The following KCNH7 variants were observed in gnomAD, a reference collection of about 807,000 sequenced individuals.
KCNH7 encodes potassium voltage-gated channel subfamily H member 7, also known as voltage-gated inwardly rectifying potassium channel KCNH7.
A neutral mutation model predicts 120.8 loss-of-function variants in KCNH7; 49 were observed. That is an observed-to-expected ratio of 0.41 (90% CI 0.32 to 0.51). The LOEUF is 0.51. Ranked by LOEUF, KCNH7 falls within the 20% of genes least tolerant of loss-of-function variation. The pLI, the probability that KCNH7 is intolerant of heterozygous loss-of-function variation, is 0.38. For missense variants in KCNH7, 1,097 were observed against 1,446.6 expected, an observed-to-expected ratio of 0.76 and a Z score of 3.92; for synonymous variants, 547 against 516.1, an observed-to-expected ratio of 1.06 and a Z score of -0.81.
Position 162,757,435 on chromosome 2 carries a change from G to C in KCNH7, c.307+79102C>G, listed in dbSNP as rs1688824344. On this transcript the variant is annotated intron_variant, in intron 2 of 15. Coordinates refer to ENST00000332142, the MANE Select transcript of KCNH7 (RefSeq NM_033272.4). ...AAATTGCAGTCTTAATCAGATTCCT[G>C]ATGAAATAATATAGCTTTTTTTGCT... Among the ~76,000 whole-genome samples the C allele has an allele frequency of 1.3e-5, 2 of 152,042 alleles. 1 individual carries two copies. Among genetic ancestry groups the C allele is most frequent in the South Asian group, 4.1e-4 (2 of 4,824 alleles).
chr2:162,522,629 A>G (rs187159986), intron 3 of KCNH7, among the ~76,000 whole-genome samples: 1 of 152,010 alleles, frequency 6.6e-6, no homozygotes, highest in Non-Finnish European at 1.5e-5. Flanking sequence ...ATTATATTTG[A>G]TTTCTAACTT....
intron 2 of KCNH7, among the ~76,000 whole-genome samples, chr2:162,560,953 T>G (rs1331789124): frequency 1.3e-5 from 2 of 152,184 alleles, no homozygotes; most frequent in African/African-American, 2.4e-5. Context: ...CCCAGTATGT[T>G]AGTGTCCACA....
intron 14 of KCNH7, among the ~76,000 whole-genome samples, chr2:162,376,443 G>A (rs1313233607): frequency 6.6e-6 from 1 of 150,582 alleles, no homozygotes; most frequent in Non-Finnish European, 1.5e-5. Flanking sequence ...TCGGCTCGCT[G>A]CAACCTCTTT....
At chr2:162,467,680 C>T (rs1255070371) in intron 6 of KCNH7, among the ~76,000 whole-genome samples, 10 of 152,172 alleles carry the variant, frequency 6.6e-5, no homozygotes, top group Admixed American at 5.9e-4. Flanking sequence ...CAGAAACAGA[C>T]TAAGACAATG....
At chr2:162,744,221 TA>T (rs1688233114) in intron 2 of KCNH7, among the ~76,000 whole-genome samples, 1 of 152,196 alleles carries the variant, frequency 6.6e-6, no homozygotes, top group African/African-American at 2.4e-5. Flanking sequence ...TAAAAGACCA[TA>T]AGGGCCCACC....
chr2:162,626,630 C>T (rs562913478), intron 2 of KCNH7, among the ~76,000 whole-genome samples: 14 of 152,166 alleles, frequency 9.2e-5, no homozygotes, highest in African/African-American at 3.4e-4. Flanking sequence ...GCCAATTTAT[C>T]CGAATTGTAG....
intron 2 of KCNH7, among the ~76,000 whole-genome samples, chr2:162,666,724 C>T (rs141526716): frequency 1.1e-4 from 17 of 152,224 alleles, no homozygotes; most frequent in South Asian, 1.0e-3. Context: ...TTTTTATTGT[C>T]ATTTGCTAAC....
intron 2 of KCNH7, among the ~76,000 whole-genome samples, chr2:162,618,362 G>A (rs1359782572): frequency 1.3e-5 from 2 of 151,910 alleles, no homozygotes; most frequent in Non-Finnish European, 2.9e-5. Context: ...CCTTGATACT[G>A]AATTTTACAA....
chr2:162,462,968 G>A (rs1689193570), intron 6 of KCNH7, among the ~76,000 whole-genome samples: 1 of 152,030 alleles, frequency 6.6e-6, no homozygotes, highest in Non-Finnish European at 1.5e-5. Flanking sequence ...CAGGGACGGA[G>A]TAAATTCAGT....
chr2:162,699,515 G>A (rs1686413110), intron 2 of KCNH7, among the ~76,000 whole-genome samples: 2 of 152,096 alleles, frequency 1.3e-5, no homozygotes, highest in African/African-American at 2.4e-5. Context: ...TTAGTAATGT[G>A]TTCTTTTTTG....
chr2:162,408,870 G>A (rs1052316613), intron 9 of KCNH7, among the ~76,000 whole-genome samples: 16 of 151,668 alleles, frequency 1.1e-4, no homozygotes, highest in African/African-American at 3.4e-4. Flanking sequence ...AACAATACTC[G>A]ATGATAATTT....
intron 2 of KCNH7, among the ~76,000 whole-genome samples, chr2:162,655,761 C>G (rs1364339019): frequency 6.6e-6 from 1 of 152,222 alleles, no homozygotes; most frequent in East Asian, 1.9e-4. Context: ...CCACTGCACT[C>G]CAGCCTGGTG....
chr2:162,382,202 T>A (rs1356391690), intron 13 of KCNH7, among the ~76,000 whole-genome samples: 1 of 152,058 alleles, frequency 6.6e-6, no homozygotes, highest in Non-Finnish European at 1.5e-5. Context: ...AGGATTATAT[T>A]TTTTCTTCAG....
At chr2:162,434,917 T>C (rs746529215) in intron 8 of KCNH7, among the ~76,000 whole-genome samples, 1 of 152,054 alleles carries the variant, frequency 6.6e-6, no homozygotes, top group Non-Finnish European at 1.5e-5. Flanking sequence ...AAATTACAGA[T>C]ACTCTTTGTA....
chr2:162,758,344 T>C (rs1036785747), intron 2 of KCNH7, among the ~76,000 whole-genome samples: 3 of 152,178 alleles, frequency 2.0e-5, no homozygotes, highest in Non-Finnish European at 2.9e-5. Flanking sequence ...TTAGTCAAAC[T>C]GAGACACCAT....
Position 162,535,868 on chromosome 2 carries a change from A to G in KCNH7, c.463+1057T>C, listed in dbSNP as rs544134841. 4.6e-5 allele frequency among the ~76,000 whole-genome samples: 7 copies of G among 151,986 alleles called. No individual in the cohort carries two copies. In the South Asian group the frequency reaches 1.4e-3, roughly 31 times the overall value. ...AATCCAGGAATAGATTCAAGCACAT[A>G]TGGAAGTTTAGTGTGTAATAAAGGT... is the stretch of plus-strand genomic sequence containing the variant. On this transcript the variant is annotated intron_variant, in intron 3 of 15. Coordinates refer to ENST00000332142, the MANE Select transcript of KCNH7 (RefSeq NM_033272.4).
intron 2 of KCNH7, among the ~76,000 whole-genome samples, chr2:162,555,060 A>G (rs1692810646): frequency 6.6e-6 from 1 of 152,198 alleles, no homozygotes; most frequent in Admixed American, 6.5e-5. Context: ...AATGTCCAAA[A>G]CATCTAGCAA....
chr2:162,787,907 A>C (rs1559134477), intron 2 of KCNH7, among the ~76,000 whole-genome samples: 1 of 152,216 alleles, frequency 6.6e-6, no homozygotes, highest in Non-Finnish European at 1.5e-5. Flanking sequence ...CAGCCACCTA[A>C]GGACTCCAGC....
intron 9 of KCNH7, among the ~76,000 whole-genome samples, chr2:162,417,997 C>T (rs1573933777): frequency 1.3e-5 from 2 of 152,264 alleles, no homozygotes; most frequent in East Asian, 3.9e-4. Flanking sequence ...GGGCTGGCTA[C>T]AGTAGGTGAT....
Sources: allele counts gnomAD v4.1 joint callset (sites outside exome capture counted in the v4.1 genomes callset), GRCh38; gene constraint gnomAD v4.1.1; transcripts MANE v1.5; gene names NCBI Gene and HGNC (gene_info 2026-07-23, HGNC 2026-07-21).